Variants in ACSS3 observed in about 807,000 individuals in gnomAD.
ACSS3 encodes the protein acyl-CoA synthetase short-chain family member 3, mitochondrial.
A neutral mutation model predicts 84.2 loss-of-function variants in ACSS3; 64 were observed. The observed-to-expected ratio is 0.76, with a 90% CI of 0.62 to 0.94. ACSS3 has a LOEUF of 0.94. Among genes scored for constraint, ACSS3 ranks in the 40% least tolerant of loss-of-function variants. ACSS3 has a pLI of 0.00. For missense variants in ACSS3, 815 were observed against 867.6 expected (o/e 0.94, Z 0.76); for synonymous variants, 317 against 310.1 (o/e 1.02, Z -0.23).
At chr12:81,197,075 C>T (rs183899529) in intron 8 of ACSS3, among the ~76,000 whole-genome samples, 37 of 151,686 alleles carry the variant, frequency 2.4e-4, no homozygotes, top group Admixed American at 3.9e-4. Context: ...TCTCAGAAAA[C>T]GAACGTGGAT....
At chr12:81,250,522 T>C (rs2136013426) in intron 13 of ACSS3, among the ~76,000 whole-genome samples, 1 of 152,184 alleles carries the variant, frequency 6.6e-6, no homozygotes, top group African/African-American at 2.4e-5. Context: ...TCCCATCCGC[T>C]TCTAAAAGCA....
chr12:81,145,864 G>T (rs903793481), intron 5 of ACSS3, among the ~76,000 whole-genome samples: 5 of 152,132 alleles, frequency 3.3e-5, no homozygotes, highest in African/African-American at 1.2e-4. Context: ...GTAGGTCACT[G>T]GGGTACAGGA....
At chr12:81,234,360 T>C (rs2033561839) in intron 13 of ACSS3, among the ~76,000 whole-genome samples, 2 of 151,466 alleles carry the variant, frequency 1.3e-5, no homozygotes, top group African/African-American at 4.8e-5. Context: ...GTTATACACA[T>C]TCAAATACAG....
chr12:81,168,524 G>A (rs747991603), intron 7 of ACSS3, among the ~76,000 whole-genome samples: 9 of 152,204 alleles, frequency 5.9e-5, no homozygotes, highest in African/African-American at 1.7e-4. Context: ...TACAACCAAC[G>A]AAAACACTGG....
chr12:81,199,631 A>T, intron 9 of ACSS3, 187 bp downstream of exon 9: 2 of 1,498,530 alleles, frequency 1.3e-6, no homozygotes, highest in Non-Finnish European at 1.8e-6. Context: ...CATAAGTGAC[A>T]TTGATGCCAC....
intron 1 of ACSS3, among the ~76,000 whole-genome samples, chr12:81,100,931 T>C (rs2121419399): frequency 6.6e-6 from 1 of 152,316 alleles, no homozygotes; most frequent in South Asian, 2.1e-4. Flanking sequence ...CAAGTGGGTA[T>C]GAAAGTGCAA....
intron 13 of ACSS3, among the ~76,000 whole-genome samples, chr12:81,241,963 G>A (rs1274959526): frequency 1.3e-5 from 2 of 152,108 alleles, no homozygotes; most frequent in Non-Finnish European, 2.9e-5. Context: ...GGTTTTTATG[G>A]TTTTAGGTCT....
intron 1 of ACSS3, among the ~76,000 whole-genome samples, chr12:81,099,718 CTT>C (rs138872801): frequency 6.6e-6 from 1 of 151,334 alleles, no homozygotes; most frequent in East Asian, 1.9e-4. Context: ...TGAAAGAAGA[CTT>C]TTTTTTTCAG....
At chr12:81,133,117 GT>G (rs35628584) in intron 2 of ACSS3, among the ~76,000 whole-genome samples, 84,017 of 150,624 alleles carry the variant, frequency 0.56, 24,194 homozygotes, top group African/African-American at 0.7. Context: ...CTAAAATCGT[GT>G]TTTTTTTTTT....
chr12:81,120,740 C>G (rs1207074983), intron 2 of ACSS3, among the ~76,000 whole-genome samples: 1 of 152,042 alleles, frequency 6.6e-6, no homozygotes, highest in Non-Finnish European at 1.5e-5. Flanking sequence ...GTAAATAAAT[C>G]TGAATAAATC....
chr12:81,148,519 C>T (rs1309527817), intron 5 of ACSS3, among the ~76,000 whole-genome samples: 1 of 152,076 alleles, frequency 6.6e-6, no homozygotes, highest in African/African-American at 2.4e-5. Context: ...GTATTTGTCC[C>T]CCACTCCCAA....
upstream of ACSS3, chr12:81,078,041 C>G: frequency 7.1e-7 from 1 of 1,404,868 alleles, no homozygotes; most frequent in Non-Finnish European, 9.3e-7. Flanking sequence ...CCCCCGCCCC[C>G]TACTCCCTTC....
intron 1 of ACSS3, among the ~76,000 whole-genome samples, chr12:81,105,661 C>A (rs115311522): frequency 5.5e-4 from 84 of 152,332 alleles, no homozygotes; most frequent in African/African-American, 2.0e-3. Flanking sequence ...CATTCTCATT[C>A]ATTCATTCAT....
chr12:81,175,100 T>G (rs1042053867), intron 8 of ACSS3, among the ~76,000 whole-genome samples, 161 bp downstream of exon 8: 4 of 152,230 alleles, frequency 2.6e-5, no homozygotes, highest in Admixed American at 2.6e-4. Context: ...TTGAAATAGT[T>G]GGAATTTTAA....
intron 7 of ACSS3, among the ~76,000 whole-genome samples, chr12:81,153,407 CAAAA>C (rs537765971): frequency 2.4e-5 from 2 of 83,028 alleles, no homozygotes; most frequent in Non-Finnish European, 5.3e-5. Context: ...GACTCCATCT[CAAAA>C]AAAAAAAAAA....
Position 81,184,224 on chromosome 12 carries a change from TAAAAACATCTTCAGGC to T in ACSS3, c.1250+9289_1250+9304del, listed in dbSNP as rs775175781. On this transcript the variant is annotated intron_variant, in intron 8 of 15. Transcript: ENST00000548058. ...CAAAGAAGAAATCAAAAGAACAATT[TAAAAACATCTTCAGGC>T]AAATGATAATGGAAACACAGTATAC... Among the ~76,000 whole-genome samples, 376 of 151,984 alleles carry T rather than the reference TAAAAACATCTTCAGGC, an allele frequency of 2.5e-3. 1 individual carries two copies. The highest frequency in any genetic ancestry group is 4.3e-3 in the Admixed American group (65 of 15,230).
chr12:81,125,138 C>T (rs577260996), intron 2 of ACSS3, among the ~76,000 whole-genome samples: 44 of 152,142 alleles, frequency 2.9e-4, no homozygotes, highest in African/African-American at 9.6e-4. Flanking sequence ...GGCGTGAATC[C>T]GGGAGGCGGA....
chr12:81,173,747 C>T (rs1015793229), intron 7 of ACSS3, among the ~76,000 whole-genome samples: 1 of 152,138 alleles, frequency 6.6e-6, no homozygotes, highest in African/African-American at 2.4e-5. Flanking sequence ...GTGTTTCCTA[C>T]ATGTCATTTA....
In ACSS3 at chr12:81,151,847, G is replaced by C. The variant is rs1426475525; in HGVS notation, c.925G>C (p.Val309Leu). The change falls in exon 6 of 16, where the codon GTG becomes CTG. Residue 309 changes from valine to leucine, a missense_variant. By Grantham distance (32) the Val-to-Leu change is conservative (BLOSUM62 1). Coordinates refer to ENST00000548058, the MANE Select transcript of ACSS3 (RefSeq NM_024560.4). ...TSGTTGLPKGVIRPTGGYAVM... is the reference protein window; with the variant it reads ...TSGTTGLPKGLIRPTGGYAVM... ...ATTTCACTTTTTCTCTCCTTAGGGT[G>C]TGATTAGGCCCACTGGGGGATACGC... 4 of 1,612,910 alleles carry C rather than the reference G, an allele frequency of 2.5e-6. No individual in the cohort carries two copies. The highest frequency in any genetic ancestry group is 3.4e-6 in the Non-Finnish European group (4 of 1,179,418).
Sources: allele counts gnomAD v4.1 joint callset (sites outside exome capture counted in the v4.1 genomes callset), GRCh38; gene constraint gnomAD v4.1.1; transcripts MANE v1.5; gene names NCBI Gene and HGNC (gene_info 2026-07-23, HGNC 2026-07-21).